Variants in MYO3B observed in about 807,000 individuals in gnomAD.
MYO3B encodes the protein myosin-IIIb.
Under a neutral mutation model 174.6 loss-of-function variants are expected in MYO3B, and 156 were observed. The ratio of observed to expected loss-of-function variants is 0.89; its 90% CI spans 0.78 to 1.02. The LOEUF (loss-of-function observed/expected upper bound fraction) is 1.02. Ranked by LOEUF, MYO3B falls within the 50% of genes least tolerant of loss-of-function variation. The pLI is 0.00. For synonymous variants in MYO3B, 563 were observed against 569.1 expected (o/e 0.99, Z 0.15); for missense variants, 1,632 against 1,639.4 (o/e 1.00, Z 0.08).
At chr2:170,239,108 AT>A (rs930988464) in intron 7 of MYO3B, among the ~76,000 whole-genome samples, 19 of 152,100 alleles carry the variant, frequency 1.2e-4, no homozygotes, top group African/African-American at 3.4e-4. Flanking sequence ...GTCTGCTGCT[AT>A]TTTTCCCCAG....
chr2:170,651,747 T>G lies in MYO3B; in HGVS notation c.3840+13T>G. 3.1e-6 allele frequency: 5 copies of G among 1,606,924 alleles called. No individual in the cohort carries two copies. The highest frequency in any genetic ancestry group is 4.3e-6 in the Non-Finnish European group (5 of 1,173,476). Reference sequence around the variant, plus strand: ...TAACCAGTTAAATGTGAGTTCAAAGTGGCCGTAAAGCTGTTTCACTGGCTT... The same window carrying G: ...TAACCAGTTAAATGTGAGTTCAAAGGGGCCGTAAAGCTGTTTCACTGGCTT... On this transcript the variant is annotated intron_variant, in intron 33 of 34. Transcript: ENST00000408978.
At chr2:170,526,302 A>G (rs1055393211) in intron 30 of MYO3B, among the ~76,000 whole-genome samples, 7 of 152,226 alleles carry the variant, frequency 4.6e-5, no homozygotes, top group Admixed American at 4.6e-4. Context: ...ATAAGAGATT[A>G]TGGCAAGCTG....
chr2:170,302,228 G>A (rs530820134), intron 7 of MYO3B, among the ~76,000 whole-genome samples: 1 of 152,112 alleles, frequency 6.6e-6, no homozygotes, highest in Non-Finnish European at 1.5e-5. Flanking sequence ...TAAGATTCTT[G>A]TATGTGGTCT....
chr2:170,610,604 T>C (rs1008232875), intron 32 of MYO3B, among the ~76,000 whole-genome samples: 1 of 152,232 alleles, frequency 6.6e-6, no homozygotes, highest in African/African-American at 2.4e-5. Flanking sequence ...CAAATGAATT[T>C]AAATAACTTC....
chr2:170,384,642 T>C (rs2094360183), intron 12 of MYO3B, among the ~76,000 whole-genome samples: 1 of 152,232 alleles, frequency 6.6e-6, no homozygotes, highest in Non-Finnish European at 1.5e-5. Context: ...CTTTCCCAGA[T>C]ACTTGTAAAA....
At chr2:170,261,333 A>AT (rs1031247076) in intron 7 of MYO3B, among the ~76,000 whole-genome samples, 15 of 152,128 alleles carry the variant, frequency 9.9e-5, no homozygotes, top group Admixed American at 4.6e-4. Context: ...CCAAGAATAC[A>AT]TTTTTTCAAG....
chr2:170,647,058 C>G (rs756656192), intron 32 of MYO3B: 2 of 462,300 alleles, frequency 4.3e-6, no homozygotes, highest in Non-Finnish European at 7.7e-6. Flanking sequence ...ATGTCACTAA[C>G]GTCTTCTTAT....
Position 170,225,284 on chromosome 2 carries a change from C to T in MYO3B, c.603+7889C>T, listed in dbSNP as rs114876255. On this transcript the variant is annotated intron_variant, in intron 6 of 34. Transcript: ENST00000408978. ...AGTCACAGAAAGTAATTATTCTTGTCCTTGGACAAGTTATTAGGTGATGCC... is the reference window on the plus strand; with the variant it reads ...AGTCACAGAAAGTAATTATTCTTGTTCTTGGACAAGTTATTAGGTGATGCC... 5.6e-3 allele frequency among the ~76,000 whole-genome samples: 848 copies of T among 152,306 alleles called. 5 individuals carry two copies. The highest frequency in any genetic ancestry group is 0.019 in the African/African-American group (799 of 41,562).
chr2:170,496,787 T>A (rs772636986), intron 25 of MYO3B, among the ~76,000 whole-genome samples: 1 of 151,870 alleles, frequency 6.6e-6, no homozygotes, highest in African/African-American at 2.4e-5. Flanking sequence ...TCACCATGCC[T>A]GGCTAATTTT....
intron 7 of MYO3B, among the ~76,000 whole-genome samples, chr2:170,270,109 C>G (rs2093415257): frequency 6.6e-6 from 1 of 152,100 alleles, no homozygotes; most frequent in African/African-American, 2.4e-5. Flanking sequence ...TGGAAGAAGG[C>G]TCCAAGGATA....
At chr2:170,474,636 G>A (rs1302089401) in intron 25 of MYO3B, among the ~76,000 whole-genome samples, 1 of 151,006 alleles carries the variant, frequency 6.6e-6, no homozygotes, top group Non-Finnish European at 1.5e-5. Flanking sequence ...CCAGCTACTT[G>A]GGAGGTTGAG....
chr2:170,297,985 C>A (rs571785697), intron 7 of MYO3B, among the ~76,000 whole-genome samples: 11 of 152,162 alleles, frequency 7.2e-5, no homozygotes, highest in African/African-American at 2.2e-4. Flanking sequence ...TGATGATAAT[C>A]ATATTCTAGA....
intron 22 of MYO3B, among the ~76,000 whole-genome samples, chr2:170,431,982 G>T (rs192920916): frequency 1.3e-3 from 193 of 152,296 alleles, no homozygotes; most frequent in Non-Finnish European, 2.2e-3. Context: ...GGTGTTTGTG[G>T]TGATGCTGAT....
chr2:170,516,313 T>C (rs1257454065), intron 29 of MYO3B, among the ~76,000 whole-genome samples: 1 of 152,020 alleles, frequency 6.6e-6, no homozygotes, highest in African/African-American at 2.4e-5. Context: ...GTTTTTTTTT[T>C]CTGACAGGCA....
intron 14 of MYO3B, among the ~76,000 whole-genome samples, chr2:170,389,100 CT>C (rs1242632414): frequency 6.6e-6 from 1 of 152,168 alleles, no homozygotes; most frequent in East Asian, 1.9e-4. Flanking sequence ...TGATATGTTG[CT>C]TATTAATGTA....
At chr2:170,261,334 T>C (rs2105350327) in intron 7 of MYO3B, among the ~76,000 whole-genome samples, 1 of 152,194 alleles carries the variant, frequency 6.6e-6, no homozygotes, top group Non-Finnish European at 1.5e-5. Flanking sequence ...CAAGAATACA[T>C]TTTTTCAAGA....
chr2:170,437,416 T>G (rs2105897980), intron 22 of MYO3B, among the ~76,000 whole-genome samples: 1 of 152,214 alleles, frequency 6.6e-6, no homozygotes, highest in African/African-American at 2.4e-5. Context: ...TAGGAAGGTT[T>G]TTTCTGACCT....
intron 30 of MYO3B, among the ~76,000 whole-genome samples, chr2:170,536,559 T>C (rs574927046): frequency 6.6e-6 from 1 of 152,200 alleles, no homozygotes; most frequent in African/African-American, 2.4e-5. Context: ...ATAATGGTGA[T>C]CTTATTGTGT....
Position 170,253,527 on chromosome 2 carries a change from C to A in MYO3B, c.749+17391C>A, listed in dbSNP as rs114345031. 8.4e-3 allele frequency among the ~76,000 whole-genome samples: 1,277 copies of A among 152,066 alleles called. 15 individuals carry two copies. The highest frequency in any genetic ancestry group is 0.029 in the African/African-American group (1,210 of 41,468). On this transcript the variant is annotated intron_variant, in intron 7 of 34. Coordinates refer to ENST00000408978, the MANE Select transcript of MYO3B (RefSeq NM_138995.5). ...ACAAGTCTGGAGTTCAGTGGAGACA[C>A]CTAGACTGGAGACATAAATGCAGAA...
Sources: allele counts gnomAD v4.1 joint callset (sites outside exome capture counted in the v4.1 genomes callset), GRCh38; gene constraint gnomAD v4.1.1; transcripts MANE v1.5; gene names NCBI Gene and HGNC (gene_info 2026-07-23, HGNC 2026-07-21).